Variants in ARLN observed in about 807,000 individuals in gnomAD.
The protein encoded by ARLN is sarcoplasmic/endoplasmic reticulum calcium ATPase regulator ARLN.
chr4:119,300,641 A>G, the ARLN span: 1 of 1,578,100 alleles, frequency 6.3e-7, no homozygotes, highest in Non-Finnish European at 8.6e-7. Flanking sequence ...CCGCCTGCGC[A>G]GTGCGCCGCG....
At chr4:119,304,205 A>G in the ARLN span, 291 of 1,451,762 alleles carry the variant, frequency 2.0e-4, 2 homozygotes, top group Non-Finnish European at 2.3e-4. Flanking sequence ...CTTCACTACA[A>G]TTCACATTGA....
the ARLN span, chr4:119,304,276 C>G: frequency 1.3e-6 from 2 of 1,536,578 alleles, no homozygotes; most frequent in Admixed American, 2.0e-5. Context: ...TAACTTGTCT[C>G]CACCTTCTAT....
At chr4:119,300,539 G>A in the ARLN span, 11 of 1,613,934 alleles carry the variant, frequency 6.8e-6, no homozygotes, top group African/African-American at 2.7e-5. Flanking sequence ...CCTCCATCTC[G>A]CTCCTGCAGC....
chr4:119,300,701 G>C, the ARLN span: 11 of 1,528,928 alleles, frequency 7.2e-6, no homozygotes, highest in African/African-American at 1.4e-5. Flanking sequence ...GCGCGCAGGC[G>C]CCTGGCTCGG....
chr4:119,298,878 C>T, the ARLN span: 1 of 676,458 alleles, frequency 1.5e-6, no homozygotes, highest in Non-Finnish European at 2.7e-6. Flanking sequence ...AAGCCTAGAA[C>T]ATTTCTTGTA....
At chr4:119,300,168 A>G in the ARLN span, among the ~76,000 whole-genome samples, 20 of 151,800 alleles carry the variant, frequency 1.3e-4, 1 homozygote, top group African/African-American at 4.8e-4. Context: ...CTAAAGAAGG[A>G]CATTTTACTC....
the ARLN span, chr4:119,298,919 T>C: frequency 1.9e-6 from 1 of 516,544 alleles, no homozygotes; most frequent in Admixed American, 3.9e-5. Context: ...GAGCTGAAAG[T>C]TCAGGTCATA....
the ARLN span, chr4:119,300,386 A>G: frequency 3.1e-6 from 5 of 1,613,366 alleles, no homozygotes; most frequent in Non-Finnish European, 4.2e-6. Flanking sequence ...AAAGGATGAA[A>G]AGCCAGAGGT....
the ARLN span, among the ~76,000 whole-genome samples, chr4:119,299,675 A>G: frequency 6.6e-6 from 1 of 152,202 alleles, no homozygotes; most frequent in African/African-American, 2.4e-5. Context: ...TAAACTCTAC[A>G]GAATTTTGTA....
the ARLN span, among the ~76,000 whole-genome samples, chr4:119,299,715 G>T: frequency 2.6e-5 from 4 of 152,210 alleles, no homozygotes; most frequent in Admixed American, 6.5e-5. Context: ...GTGGATGTGT[G>T]TAAGAAAAGG....
chr4:119,300,704 T>G, the ARLN span: 1 of 1,528,952 alleles, frequency 6.5e-7, no homozygotes, highest in Non-Finnish European at 8.8e-7. Flanking sequence ...CGCAGGCGCC[T>G]GGCTCGGCTT....
the ARLN span, chr4:119,298,680 C>A: frequency 8.8e-6 from 6 of 679,256 alleles, no homozygotes; most frequent in South Asian, 1.8e-5. Context: ...ATGTGAAATT[C>A]TTCTATTGAG....
At chr4:119,303,512 G>A in the ARLN span, among the ~76,000 whole-genome samples, 1 of 152,194 alleles carries the variant, frequency 6.6e-6, no homozygotes, top group Non-Finnish European at 1.5e-5. Flanking sequence ...TGGGATTGCA[G>A]GCATGAGCCA....
chr4:119,299,747 G>A, the ARLN span, among the ~76,000 whole-genome samples: 1 of 152,162 alleles, frequency 6.6e-6, no homozygotes, highest in Admixed American at 6.5e-5. Context: ...CAGGTTTCTG[G>A]GAGGTAACGG....
the ARLN span, chr4:119,300,740 T>C: frequency 6.6e-7 from 1 of 1,509,282 alleles, no homozygotes; most frequent in Non-Finnish European, 8.8e-7. Context: ...ACCGCTGGCA[T>C]GAAGCGCGGC....
At chr4:119,300,300 T>C in the ARLN span, 1 of 1,544,056 alleles carries the variant, frequency 6.5e-7, no homozygotes, top group Non-Finnish European at 8.9e-7. Flanking sequence ...ATCTCTAAGC[T>C]CCTTACCACC....
At chr4:119,297,359 T>C in the ARLN span, 1 of 152,250 alleles carries the variant, frequency 6.6e-6, no homozygotes, top group African/African-American at 2.4e-5. Flanking sequence ...ATCCCCAAAA[T>C]ATTTAAGACA....
the ARLN span, chr4:119,300,816 T>C: frequency 7.0e-7 from 1 of 1,438,644 alleles, no homozygotes; most frequent in Middle Eastern, 2.3e-4. Flanking sequence ...GGCAGATAGC[T>C]GGTTATTCAG....
the ARLN span, chr4:119,300,384 A>C: frequency 6.2e-7 from 1 of 1,613,568 alleles, no homozygotes; most frequent in Non-Finnish European, 8.5e-7. Context: ...GAAAAGGATG[A>C]AAAGCCAGAG....
Sources: allele counts gnomAD v4.1 joint callset (sites outside exome capture counted in the v4.1 genomes callset), GRCh38; gene constraint gnomAD v4.1.1; transcripts MANE v1.5; gene names NCBI Gene and HGNC (gene_info 2026-07-23, HGNC 2026-07-21).